GRIK1: variants seen among roughly 807,000 people sequenced by gnomAD.
GRIK1 encodes the protein glutamate receptor ionotropic, kainate 1.
A neutral mutation model predicts 105.7 loss-of-function variants in GRIK1; 69 were observed. The ratio of observed to expected loss-of-function variants is 0.65; its 90% CI spans 0.54 to 0.80. The LOEUF is 0.80. Among genes scored for constraint, GRIK1 ranks in the 30% least tolerant of loss-of-function variants. GRIK1 has a pLI of 0.00. For missense variants in GRIK1, 1,109 were observed against 1,167.3 expected (o/e 0.95, Z 0.73); for synonymous variants, 438 against 431.3 (o/e 1.02, Z -0.19).
chr21:29,792,036 T>C (rs1443363366), intron 1 of GRIK1, among the ~76,000 whole-genome samples: 4 of 152,200 alleles, frequency 2.6e-5, no homozygotes, highest in African/African-American at 9.6e-5. Flanking sequence ...TAGAGTTTAA[T>C]GAAATACTTA....
intron 13 of GRIK1, among the ~76,000 whole-genome samples, chr21:29,578,335 A>G (rs2090943540): frequency 6.6e-6 from 1 of 152,204 alleles, no homozygotes; most frequent in Non-Finnish European, 1.5e-5. Flanking sequence ...TACTATACTG[A>G]TAGGGTGTGT....
intron 1 of GRIK1, among the ~76,000 whole-genome samples, chr21:29,744,558 C>G (rs2065004787): frequency 6.7e-6 from 1 of 150,078 alleles, no homozygotes; most frequent in South Asian, 2.1e-4. Flanking sequence ...TCTCTCTCAG[C>G]TAGGTTTTTT....
At chr21:29,573,400 C>A (rs1046024656) in intron 14 of GRIK1, among the ~76,000 whole-genome samples, 1 of 152,128 alleles carries the variant, frequency 6.6e-6, no homozygotes, top group African/African-American at 2.4e-5. Flanking sequence ...AAGGAGAACC[C>A]GCTCTTTTTA....
intron 1 of GRIK1, among the ~76,000 whole-genome samples, chr21:29,753,568 C>G (rs1440057144): frequency 6.6e-6 from 1 of 152,178 alleles, no homozygotes; most frequent in Non-Finnish European, 1.5e-5. Flanking sequence ...TGTGAAACCA[C>G]AGAAAATTTT....
intron 3 of GRIK1, 69 bp from the exon 4 acceptor site, chr21:29,673,233 G>C (rs2063194952): frequency 9.4e-7 from 1 of 1,061,576 alleles, no homozygotes; most frequent in South Asian, 1.5e-5. Flanking sequence ...TTGCCATTTA[G>C]TTAAACTCGT....
At chr21:29,627,365 A>G (rs576137631) in intron 7 of GRIK1, among the ~76,000 whole-genome samples, 4 of 152,326 alleles carry the variant, frequency 2.6e-5, no homozygotes, top group African/African-American at 9.6e-5. Context: ...AGTTACACAC[A>G]TTTAAGTCAT....
intron 16 of GRIK1, chr21:29,553,661 G>A: frequency 6.2e-7 from 1 of 1,607,794 alleles, no homozygotes; most frequent in South Asian, 1.1e-5. Flanking sequence ...GGAGTTGGTT[G>A]GATGGGTTTG....
intron 13 of GRIK1, among the ~76,000 whole-genome samples, chr21:29,579,140 T>C (rs898158997): frequency 2.6e-5 from 4 of 152,196 alleles, no homozygotes; most frequent in African/African-American, 9.6e-5. Flanking sequence ...ATTTAAACTT[T>C]TGGATAAAGT....
At chr21:29,897,056 A>G (rs1408361926) in intron 1 of GRIK1, among the ~76,000 whole-genome samples, 1 of 152,170 alleles carries the variant, frequency 6.6e-6, no homozygotes, top group East Asian at 1.9e-4. Context: ...ATTTAAAACA[A>G]TCAGATTACA....
chr21:29,722,929 A>T (rs370402287), intron 1 of GRIK1, among the ~76,000 whole-genome samples: 1 of 152,372 alleles, frequency 6.6e-6, no homozygotes, highest in South Asian at 2.1e-4. Context: ...AATTTTAGGA[A>T]ATTTGATCAT....
chr21:29,778,916 G>GA (rs1265489787), intron 1 of GRIK1, among the ~76,000 whole-genome samples: 1 of 151,414 alleles, frequency 6.6e-6, no homozygotes, highest in East Asian at 1.9e-4. Context: ...AGGGCTTTTC[G>GA]AAAAAAAGGG....
chr21:29,731,393 C>T lies in GRIK1; in HGVS notation c.119-37330G>A, dbSNP rs190336007. The stretch of plus-strand genomic sequence containing the variant: ...TTTTACTTTGACTTGACCACATCCA[C>T]CTCTTGGTAGCCATTGCTTTGATTA... On this transcript the variant is annotated intron_variant, in intron 1 of 17. Coordinates refer to ENST00000327783, the MANE Select transcript of GRIK1 (RefSeq NM_001330994.2). Among the ~76,000 whole-genome samples, 154 of 152,322 alleles carry T rather than the reference C, an allele frequency of 1.0e-3. 2 individuals carry two copies. The highest frequency in any genetic ancestry group is 1.8e-3 in the Non-Finnish European group (124 of 68,020).
At chr21:29,612,705 A>G (rs780812318) in intron 7 of GRIK1, among the ~76,000 whole-genome samples, 1 of 152,212 alleles carries the variant, frequency 6.6e-6, no homozygotes, top group Non-Finnish European at 1.5e-5. Context: ...ATTGAGATAA[A>G]ACAGGATAAT....
intron 1 of GRIK1, among the ~76,000 whole-genome samples, chr21:29,836,650 T>C (rs1422549391): frequency 2.6e-5 from 4 of 152,096 alleles, no homozygotes; most frequent in Non-Finnish European, 5.9e-5. Context: ...AATGCACACA[T>C]ATACATGTGT....
At chr21:29,684,864 T>C (rs2063458647) in intron 3 of GRIK1, among the ~76,000 whole-genome samples, 1 of 152,192 alleles carries the variant, frequency 6.6e-6, no homozygotes, top group African/African-American at 2.4e-5. Flanking sequence ...ATGATCTATT[T>C]TCTATCATGT....
chr21:29,652,592 A>G (rs1568935564), intron 5 of GRIK1, among the ~76,000 whole-genome samples: 1 of 152,238 alleles, frequency 6.6e-6, no homozygotes, highest in Non-Finnish European at 1.5e-5. Flanking sequence ...TGTAAACCAG[A>G]AGTTTCTAAA....
At chr21:29,851,420 A>T (rs2068300560) in intron 1 of GRIK1, among the ~76,000 whole-genome samples, 3 of 152,232 alleles carry the variant, frequency 2.0e-5, no homozygotes. Flanking sequence ...TTACAAAGGC[A>T]ATAATAGACA....
intron 1 of GRIK1, among the ~76,000 whole-genome samples, chr21:29,827,540 T>C (rs1289690554): frequency 5.3e-5 from 8 of 152,168 alleles, no homozygotes; most frequent in Non-Finnish European, 7.4e-5. Flanking sequence ...ACATCTCAGG[T>C]TTCCCCAAAT....
chr21:29,621,158 A>G (rs1233995296), intron 7 of GRIK1, among the ~76,000 whole-genome samples: 1 of 152,146 alleles, frequency 6.6e-6, no homozygotes, highest in East Asian at 1.9e-4. Context: ...TCAAATTAAG[A>G]GAAGACAAAA....
Sources: gnomAD v4.1 joint callset for allele counts (sites outside exome capture counted in the v4.1 genomes callset) on GRCh38, gnomAD v4.1.1 for gene constraint, MANE v1.5 for transcripts, NCBI Gene and HGNC (gene_info 2026-07-23, HGNC 2026-07-21) for gene names.